MYRIP: variants seen among roughly 807,000 people sequenced by gnomAD.
The protein encoded by MYRIP is rab effector MyRIP.
In MYRIP, 49 loss-of-function variants were observed where a neutral mutation model predicts 98.0. The ratio of observed to expected loss-of-function variants is 0.50; its 90% CI spans 0.40 to 0.63. The LOEUF is 0.63. Among genes scored for constraint, MYRIP ranks in the 30% least tolerant of loss-of-function variants. The pLI is 0.00. For synonymous variants in MYRIP, 404 were observed against 409.5 expected, an observed-to-expected ratio of 0.99 and a Z score of 0.16; for missense variants, 1,004 against 1,058.2, an observed-to-expected ratio of 0.95 and a Z score of 0.71.
At chr3:39,925,764 C>A (rs748001788) in intron 2 of MYRIP, among the ~76,000 whole-genome samples, 1 of 152,066 alleles carries the variant, frequency 6.6e-6, no homozygotes, top group Non-Finnish European at 1.5e-5. Flanking sequence ...CATGTCCTTG[C>A]TATTGTGAAT....
intron 1 of MYRIP, among the ~76,000 whole-genome samples, chr3:39,871,424 A>G (rs1025801078): frequency 1.3e-5 from 2 of 152,202 alleles, no homozygotes; most frequent in South Asian, 2.1e-4. Context: ...TTTAGTCAGC[A>G]TGAGTTCTTC....
intron 2 of MYRIP, among the ~76,000 whole-genome samples, chr3:40,024,424 G>A (rs768506196): frequency 5.3e-5 from 8 of 152,084 alleles, no homozygotes; most frequent in Admixed American, 2.0e-4. Context: ...TGCAGGAGGC[G>A]GGATGGTGCT....
At chr3:39,959,416 C>A (rs1016488014) in intron 2 of MYRIP, among the ~76,000 whole-genome samples, 2 of 151,974 alleles carry the variant, frequency 1.3e-5, no homozygotes, top group Non-Finnish European at 1.5e-5. Flanking sequence ...AGCAAACTAT[C>A]GCAGGGACAG....
intron 2 of MYRIP, among the ~76,000 whole-genome samples, chr3:40,035,241 TAAAAA>T (rs571477346): frequency 1.9e-4 from 29 of 150,686 alleles, no homozygotes; most frequent in Non-Finnish European, 3.0e-4. Flanking sequence ...TTTTAAAAAT[TAAAAA>T]AAAGAAAAAG....
chr3:40,230,875 G>A lies in MYRIP; in HGVS notation c.1906-2984G>A, dbSNP rs146743979. 3.0e-4 allele frequency among the ~76,000 whole-genome samples: 45 copies of A among 150,468 alleles called. No homozygotes were observed. The East Asian group carries it at 6.8e-3, about 23-fold the overall frequency. Reference sequence around the variant, plus strand: ...GAATTTCGCTCTTGTTGCCCAGGCTGGAGTGCAATGGCGGGTCTCAGCTCA... The same window carrying A: ...GAATTTCGCTCTTGTTGCCCAGGCTAGAGTGCAATGGCGGGTCTCAGCTCA... On this transcript the variant is annotated intron_variant, in intron 11 of 16. Transcript: ENST00000302541.
At position 40,233,971 on chromosome 3, in the gene MYRIP, C is replaced by G; in HGVS notation, c.2018C>G (p.Pro673Arg). The G allele has an allele frequency of 6.2e-7, 1 of 1,613,648 alleles. No homozygotes were observed. Among genetic ancestry groups the G allele is most frequent in the East Asian group, 2.2e-5 (1 of 44,854 alleles). The change falls in exon 12 of 17, where the codon CCT (proline) becomes CGT (arginine). Residue 673 changes from proline (P) to arginine (R), a missense_variant. Coordinates refer to ENST00000302541, the MANE Select transcript of MYRIP (RefSeq NM_015460.4). Reference sequence around the variant, plus strand: ...GGGCCCTGGGAGTCCCCACAAGTCCCTCCTGACAGACAGAAGGGGATGTTT... The same window carrying G: ...GGGCCCTGGGAGTCCCCACAAGTCCGTCCTGACAGACAGAAGGGGATGTTT... Reference protein sequence around the residue: ...STGPWESPQVPPDRQKGMFPR... With the variant: ...STGPWESPQVRPDRQKGMFPR...
At chr3:39,920,863 G>A (rs1456490537) in intron 2 of MYRIP, among the ~76,000 whole-genome samples, 1 of 152,148 alleles carries the variant, frequency 6.6e-6, no homozygotes, top group Non-Finnish European at 1.5e-5. Context: ...GGTTCTTCGT[G>A]AGTCACAAGG....
chr3:40,096,624 T>C (rs955134899), intron 3 of MYRIP, among the ~76,000 whole-genome samples: 3 of 152,146 alleles, frequency 2.0e-5, no homozygotes, highest in African/African-American at 7.2e-5. Context: ...CTGCATGATC[T>C]CACTAGGAGG....
At chr3:39,827,526 G>C (rs964614117) in intron 1 of MYRIP, among the ~76,000 whole-genome samples, 1 of 152,052 alleles carries the variant, frequency 6.6e-6, no homozygotes, top group Non-Finnish European at 1.5e-5. Context: ...TCAGTGTATT[G>C]GTTGTTTTCT....
rs115416517 is a variant in MYRIP, at chr3:39,834,676, A to G, written c.-31+24760A>G. Among the ~76,000 whole-genome samples, 1,485 of 152,272 alleles carry G rather than the reference A, an allele frequency of 9.8e-3. 18 individuals carry two copies. The highest frequency in any genetic ancestry group is 0.034 in the African/African-American group (1,408 of 41,552). ...GCTGTAATATAAGTAATATTCCTTT[A>G]CCATTACCACAAAATAATCTAATTA... On this transcript the variant is annotated intron_variant, in intron 1 of 16. Coordinates refer to ENST00000302541, the MANE Select transcript of MYRIP (RefSeq NM_015460.4).
intron 2 of MYRIP, among the ~76,000 whole-genome samples, chr3:39,988,696 GT>G (rs747460403): frequency 6.6e-5 from 10 of 151,660 alleles, no homozygotes; most frequent in Non-Finnish European, 1.5e-4. Context: ...TTTCTCGGAG[GT>G]TTTGCTCATT....
intron 2 of MYRIP, among the ~76,000 whole-genome samples, chr3:40,040,849 G>C (rs1482262454): frequency 8.1e-5 from 4 of 49,170 alleles, no homozygotes; most frequent in Non-Finnish European, 1.9e-4. Context: ...GGGGAGGGGG[G>C]AGGGATAGCA....
chr3:40,170,159 C>T lies in MYRIP; in HGVS notation c.873+66C>T, dbSNP rs560401860. On this transcript the variant is annotated intron_variant, in intron 8 of 16. Transcript: ENST00000302541. ...AGGTCTGGGGCACACATTTAACCCTCTGTAGTTGAATCAGGTGGCCACTGG... is the reference window on the plus strand; with the variant it reads ...AGGTCTGGGGCACACATTTAACCCTTTGTAGTTGAATCAGGTGGCCACTGG... 14 of 1,557,654 alleles carry T rather than the reference C, an allele frequency of 9.0e-6. No individual in the cohort carries two copies. The South Asian group carries it at 1.2e-4, about 13-fold the overall frequency.
intron 2 of MYRIP, among the ~76,000 whole-genome samples, chr3:40,030,016 C>T (rs1559371216): frequency 6.6e-6 from 1 of 151,686 alleles, no homozygotes; most frequent in Non-Finnish European, 1.5e-5. Context: ...GCTATGATGC[C>T]ACCACTGCAT....
At chr3:39,975,431 A>T (rs1945722216) in intron 2 of MYRIP, among the ~76,000 whole-genome samples, 1 of 152,022 alleles carries the variant, frequency 6.6e-6, no homozygotes, top group Admixed American at 6.6e-5. Flanking sequence ...TTCCATGCTC[A>T]TGGGTAGGAA....
At chr3:39,858,808 A>C (rs1942379346) in intron 1 of MYRIP, among the ~76,000 whole-genome samples, 1 of 152,122 alleles carries the variant, frequency 6.6e-6, no homozygotes, top group Non-Finnish European at 1.5e-5. Context: ...ATAATAAATC[A>C]AAAGGGAAAT....
At chr3:40,122,972 C>T (rs1160266572) in intron 3 of MYRIP, among the ~76,000 whole-genome samples, 1 of 152,046 alleles carries the variant, frequency 6.6e-6, no homozygotes, top group African/African-American at 2.4e-5. Context: ...TATTTCACCA[C>T]CCAGGTAATA....
chr3:39,832,114 G>T (rs17050883), intron 1 of MYRIP, among the ~76,000 whole-genome samples: 12,780 of 152,234 alleles, frequency 0.084, 601 homozygotes, highest in African/African-American at 0.13. Flanking sequence ...CACCCTGTGT[G>T]CATTCTCTGC....
intron 13 of MYRIP, among the ~76,000 whole-genome samples, chr3:40,247,978 G>T (rs1053398844): frequency 1.3e-5 from 2 of 152,230 alleles, no homozygotes; most frequent in African/African-American, 2.4e-5. Context: ...CAACTGCACC[G>T]CCAGGCATGC....
Sources: gnomAD v4.1 joint callset for allele counts (sites outside exome capture counted in the v4.1 genomes callset) on GRCh38, gnomAD v4.1.1 for gene constraint, MANE v1.5 for transcripts, NCBI Gene and HGNC (gene_info 2026-07-23, HGNC 2026-07-21) for gene names.